The following LHFPL6 variants were observed in gnomAD, a reference collection of about 807,000 sequenced individuals.
The protein encoded by LHFPL6 is LHFPL tetraspan subfamily member 6 protein.
Under a neutral mutation model 20.6 loss-of-function variants are expected in LHFPL6, and 9 were observed. That is an observed-to-expected ratio of 0.44 (90% confidence interval 0.26 to 0.76). LHFPL6 has a LOEUF of 0.76. Ranked by LOEUF, LHFPL6 falls within the 30% of genes least tolerant of loss-of-function variation. LHFPL6 has a pLI of 0.20. For synonymous variants in LHFPL6, 105 were observed against 98.7 expected (o/e 1.06, Z -0.38); for missense variants, 218 against 253.5 (o/e 0.86, Z 0.95).
chr13:39,356,755 A>G (rs1259970466), intron 3 of LHFPL6, among the ~76,000 whole-genome samples: 3 of 152,264 alleles, frequency 2.0e-5, no homozygotes, highest in African/African-American at 7.2e-5. Context: ...ACACAAAGTC[A>G]TTAATCTAGA....
intron 2 of LHFPL6, among the ~76,000 whole-genome samples, chr13:39,421,036 G>T (rs1281463877): frequency 6.6e-6 from 1 of 151,710 alleles, no homozygotes; most frequent in Non-Finnish European, 1.5e-5. Flanking sequence ...TTTCTGTTTT[G>T]CCAGGAAGGC....
chr13:39,590,355 A>G (rs1872559510), intron 2 of LHFPL6, among the ~76,000 whole-genome samples: 1 of 152,208 alleles, frequency 6.6e-6, no homozygotes, highest in African/African-American at 2.4e-5. Flanking sequence ...TTCTGCCGCA[A>G]TGAATCTATT....
At chr13:39,349,763 T>G (rs1869509412) in intron 3 of LHFPL6, among the ~76,000 whole-genome samples, 1 of 152,198 alleles carries the variant, frequency 6.6e-6, no homozygotes, top group African/African-American at 2.4e-5. Context: ...AGCCAAGACC[T>G]GCAGATGTTC....
At chr13:39,400,413 A>G (rs921042576) in intron 2 of LHFPL6, among the ~76,000 whole-genome samples, 1 of 152,176 alleles carries the variant, frequency 6.6e-6, no homozygotes, top group Non-Finnish European at 1.5e-5. Context: ...GATGGGAGAC[A>G]TTTTCATCAT....
Position 39,352,869 on chromosome 13 carries a change from A to G in LHFPL6, c.485-8815T>C, listed in dbSNP as rs994776044. Reference sequence around the variant, plus strand: ...TATATAAATGTATATATATGTGTATATATATATATAAATGTATATATATGT... The same window carrying G: ...TATATAAATGTATATATATGTGTATGTATATATATAAATGTATATATATGT... On this transcript the variant is annotated intron_variant, in intron 3 of 3. Coordinates refer to ENST00000379589, the MANE Select transcript of LHFPL6 (RefSeq NM_005780.3). Among the ~76,000 whole-genome samples the G allele has an allele frequency of 3.1e-5, 2 of 64,176 alleles. 1 individual carries two copies. The highest frequency in any genetic ancestry group is 8.8e-5 in the African/African-American group (2 of 22,718). 42.1% of individuals were successfully genotyped at this position (64,176 alleles called of 152,430 possible).
intron 2 of LHFPL6, among the ~76,000 whole-genome samples, chr13:39,413,654 T>C (rs1871286935): frequency 6.6e-6 from 1 of 151,430 alleles, no homozygotes; most frequent in Non-Finnish European, 1.5e-5. Flanking sequence ...CTTTAATAAG[T>C]GAACATATGT....
At chr13:39,403,219 G>A (rs1309873034) in intron 2 of LHFPL6, among the ~76,000 whole-genome samples, 3 of 152,192 alleles carry the variant, frequency 2.0e-5, no homozygotes, top group African/African-American at 7.2e-5. Context: ...CATTCACAGA[G>A]CTAGACAATT....
In LHFPL6 at chr13:39,344,121, T is replaced by C. The variant is rs1028806197; in HGVS notation, c.485-67A>G. The C allele has an allele frequency of 5.5e-6, 7 of 1,284,258 alleles. No individual in the cohort carries two copies. In the African/African-American group the frequency reaches 8.7e-5, roughly 16 times the overall value. The allele number at this position is 1,284,258 out of a possible 1,614,324, so 79.6% of individuals were successfully genotyped here. ...GATGATTTTGCAGCAGGGTTTCTTA[T>C]TGCTTCCAGTGTGTGGGTTCTGAAA... On this transcript the variant is annotated intron_variant, in intron 3 of 3. Transcript: ENST00000379589.
intron 2 of LHFPL6, among the ~76,000 whole-genome samples, chr13:39,537,458 T>C (rs947745192): frequency 2.0e-5 from 3 of 152,222 alleles, no homozygotes; most frequent in African/African-American, 7.2e-5. Flanking sequence ...GAATATTTCA[T>C]GCCAGGGAAG....
At chr13:39,489,733 A>G (rs1470198940) in intron 2 of LHFPL6, among the ~76,000 whole-genome samples, 1 of 151,922 alleles carries the variant, frequency 6.6e-6, no homozygotes, top group African/African-American at 2.4e-5. Context: ...TTGTATTTTT[A>G]GTAGAGACGA....
chr13:39,418,199 G>A (rs1263675663), intron 2 of LHFPL6, among the ~76,000 whole-genome samples: 1 of 151,962 alleles, frequency 6.6e-6, no homozygotes, highest in Non-Finnish European at 1.5e-5. Flanking sequence ...GAATACTGTA[G>A]TATGCCAAAT....
chr13:39,577,856 G>C (rs1247787805), intron 2 of LHFPL6, among the ~76,000 whole-genome samples: 1 of 151,680 alleles, frequency 6.6e-6, no homozygotes, highest in Non-Finnish European at 1.5e-5. Flanking sequence ...GGCCAGGCTG[G>C]TCTCAAACTC....
At chr13:39,528,022 A>T (rs1253948526) in intron 2 of LHFPL6, among the ~76,000 whole-genome samples, 1 of 152,202 alleles carries the variant, frequency 6.6e-6, no homozygotes, top group African/African-American at 2.4e-5. Flanking sequence ...GTAGCTCATG[A>T]ACTAGTACTA....
At chr13:39,392,396 A>T (rs1367669251) in intron 2 of LHFPL6, among the ~76,000 whole-genome samples, 1 of 152,178 alleles carries the variant, frequency 6.6e-6, no homozygotes, top group Non-Finnish European at 1.5e-5. Context: ...GGAGTTCGAG[A>T]CCAGCCTGGC....
At chr13:39,582,991 T>C (rs1292226562) in intron 2 of LHFPL6, among the ~76,000 whole-genome samples, 2 of 152,142 alleles carry the variant, frequency 1.3e-5, no homozygotes, top group Non-Finnish European at 2.9e-5. Context: ...GAGCAAACTA[T>C]TATTGCATTC....
At chr13:39,414,509 A>C (rs1871303137) in intron 2 of LHFPL6, among the ~76,000 whole-genome samples, 1 of 152,144 alleles carries the variant, frequency 6.6e-6, no homozygotes, top group African/African-American at 2.4e-5. Context: ...TTCATGGTGG[A>C]TTTGGGCTGG....
At chr13:39,432,739 G>A (rs189702841) in intron 2 of LHFPL6, among the ~76,000 whole-genome samples, 2 of 152,170 alleles carry the variant, frequency 1.3e-5, no homozygotes. Context: ...CTCCCAAAAT[G>A]TAAGCCCCAC....
At chr13:39,423,842 G>A (rs1449086325) in intron 2 of LHFPL6, among the ~76,000 whole-genome samples, 2 of 152,150 alleles carry the variant, frequency 1.3e-5, no homozygotes, top group South Asian at 2.1e-4. Context: ...CATGGAATTG[G>A]GGAAGGATCC....
At chr13:39,344,496 A>C (rs888780070) in intron 3 of LHFPL6, among the ~76,000 whole-genome samples, 3 of 152,200 alleles carry the variant, frequency 2.0e-5, no homozygotes, top group African/African-American at 7.2e-5. Flanking sequence ...GATAATGGCT[A>C]ATGCTAAGGT....
Sources: gnomAD v4.1 joint callset for allele counts (sites outside exome capture counted in the v4.1 genomes callset) on GRCh38, gnomAD v4.1.1 for gene constraint, MANE v1.5 for transcripts, NCBI Gene and HGNC (gene_info 2026-07-23, HGNC 2026-07-21) for gene names.